The following NXPH3 variants were observed in gnomAD, a reference collection of about 807,000 sequenced individuals.
NXPH3 encodes the protein neurexophilin-3.
NXPH3 carries 7 observed loss-of-function variants against 18.8 expected under a neutral mutation model. The ratio of observed to expected loss-of-function variants is 0.37; its 90% CI spans 0.21 to 0.70. The LOEUF is 0.70. Among genes scored for constraint, NXPH3 ranks in the 30% least tolerant of loss-of-function variants. NXPH3 has a pLI of 0.53. For synonymous variants in NXPH3, 101 were observed against 137.3 expected (o/e 0.74, Z 1.85); for missense variants, 282 against 338.1 (o/e 0.83, Z 1.30).
Position 49,578,538 on chromosome 17 carries a change from C to A in NXPH3, c.55-58C>A. 3.7e-6 allele frequency: 5 copies of A among 1,353,080 alleles called. No individual in the cohort carries two copies. The highest frequency in any genetic ancestry group is 2.8e-5 in the South Asian group (2 of 71,042). 83.8% of individuals were successfully genotyped at this position (1,353,080 alleles called of 1,614,324 possible). A position where few individuals can be genotyped will look rare whatever the true frequency, so the allele number is the denominator to read the frequency against. ...GCAGGGACAGGGGTACTGCTGGTAG[C>A]GGGGGTGGTGGACCTCCAGGGACAG... On this transcript the variant is annotated intron_variant, in intron 1 of 1. Coordinates refer to ENST00000328741, the MANE Select transcript of NXPH3 (RefSeq NM_007225.4). This position sits in a 1 kb window ranked among gnomAD's most constrained non-coding sequence, Gnocchi z 4.5.
chr17:49,578,708 A>C lies in NXPH3; in HGVS notation c.167A>C (p.Lys56Thr). ...CGGAAGCGGGGCCACATCTCACCTA[A>C]GTCCCGCCCCATGGCCAATTCCACT... ...VPRKRGHISPKSRPMANSTLL... is the reference protein window; with the variant it reads ...VPRKRGHISPTSRPMANSTLL... The change falls in exon 2 of 2, where the codon AAG (lysine) becomes ACG (threonine). Residue 56 changes from lysine (K) to threonine (T), a missense_variant. Transcript: ENST00000328741. The surrounding 1 kb of genome is among the most constrained non-coding windows in gnomAD (Gnocchi z 4.5). 1 of 1,613,288 alleles carries C rather than the reference A, an allele frequency of 6.2e-7. No individual in the cohort carries two copies. Among genetic ancestry groups the C allele is most frequent in the African/African-American group, 1.3e-5 (1 of 75,042 alleles).
chr17:49,579,395 C>G lies in NXPH3; in HGVS notation c.*95C>G. On this transcript the variant is annotated 3_prime_UTR_variant, in exon 2 of 2. Transcript: ENST00000328741. This position sits in a 1 kb window ranked among gnomAD's most constrained non-coding sequence, Gnocchi z 6.0. ...ACACCGGGCAGGGAAGGGGTTGGGC[C>G]TCAGGCAGGGAGGGGGGTGGAGACG... The G allele has an allele frequency of 8.9e-7, 1 of 1,123,082 alleles. No homozygotes were observed. The allele number at this position is 1,123,082 out of a possible 1,614,324, so 69.6% of individuals were successfully genotyped here.
At position 49,575,915 on chromosome 17, in the gene NXPH3, C is replaced by T. The variant is rs1426804439; in HGVS notation, c.-305C>T. The T allele has an allele frequency of 3.0e-6, 1 of 337,328 alleles. No homozygotes were observed. The highest frequency in any genetic ancestry group is 5.3e-6 in the Non-Finnish European group (1 of 188,000). 20.9% of individuals were successfully genotyped at this position (337,328 alleles called of 1,614,324 possible). A position where few individuals can be genotyped will look rare whatever the true frequency, so the allele number is the denominator to read the frequency against. ...GGCGCCGCTGGAGCCGAGGGGGGCG[C>T]CGAGCGCAGATCTGGAGCAGCAGAG... On this transcript the variant is annotated 5_prime_UTR_variant, in exon 1 of 2. Transcript: ENST00000328741. The surrounding 1 kb of genome is among the most constrained non-coding windows in gnomAD (Gnocchi z 4.3).
chr17:49,576,870 G>T (rs2071574102), intron 1 of NXPH3, among the ~76,000 whole-genome samples: 1 of 151,768 alleles, frequency 6.6e-6, no homozygotes, highest in South Asian at 2.1e-4. Context: ...TGAGCGGAGC[G>T]CCCAGAGCCC....
At position 49,579,008 on chromosome 17, in the gene NXPH3, A is replaced by C. The variant is rs1410979876; in HGVS notation, c.467A>C (p.Glu156Ala). 7 of 1,614,104 alleles carry C rather than the reference A, an allele frequency of 4.3e-6. No individual in the cohort carries two copies. The highest frequency in any genetic ancestry group is 5.9e-6 in the Non-Finnish European group (7 of 1,180,060). The change falls in exon 2 of 2, where the codon GAG becomes GCG. Residue 156 changes from glutamate (E) to alanine (A), a missense_variant. Glu to Ala is a moderately radical substitution (Grantham distance 107). Transcript: ENST00000328741. This position sits in a 1 kb window ranked among gnomAD's most constrained non-coding sequence, Gnocchi z 6.0. ...ISLVPPSKAV[E>A]FHQEQQIFIE... ...CTCGTGCCCCCCAGTAAAGCTGTAG[A>C]GTTCCACCAGGAACAGCAGATCTTC... is the stretch of plus-strand genomic sequence containing the variant.
Position 49,578,539 on chromosome 17 carries a change from G to T in NXPH3, c.55-57G>T. The T allele has an allele frequency of 2.2e-6, 3 of 1,360,158 alleles. No individual in the cohort carries two copies. Among genetic ancestry groups the T allele is most frequent in the Non-Finnish European group, 3.0e-6 (3 of 999,954 alleles). 84.3% of individuals were successfully genotyped at this position (1,360,158 alleles called of 1,614,324 possible). A position where few individuals can be genotyped will look rare whatever the true frequency, so the allele number is the denominator to read the frequency against. ...CAGGGACAGGGGTACTGCTGGTAGC[G>T]GGGGTGGTGGACCTCCAGGGACAGG... On this transcript the variant is annotated intron_variant, in intron 1 of 1. Coordinates refer to ENST00000328741, the MANE Select transcript of NXPH3 (RefSeq NM_007225.4). This position sits in a 1 kb window ranked among gnomAD's most constrained non-coding sequence, Gnocchi z 4.5.
rs963743225 is a variant in NXPH3 at position 49,581,896 on chromosome 17, G to T, written c.*2596G>T. 3 of 640,652 alleles carry T rather than the reference G, an allele frequency of 4.7e-6. No individual in the cohort carries two copies. The African/African-American group carries it at 5.5e-5, about 12-fold the overall frequency. The allele number at this position is 640,652 out of a possible 1,614,324, so 39.7% of individuals were successfully genotyped here. On this transcript the variant is annotated 3_prime_UTR_variant, in exon 2 of 2. Coordinates refer to ENST00000328741, the MANE Select transcript of NXPH3 (RefSeq NM_007225.4). ...CCCGGCCTTCCTGGCACACAGTTCT[G>T]CCTGCACCAGGGATGGATTCATTTT...
In NXPH3 at chr17:49,578,668, C is replaced by T. The variant is rs147028083; in HGVS notation, c.127C>T (p.Arg43Trp). The change falls in exon 2 of 2, where the codon CGG (arginine) becomes TGG (tryptophan). Residue 43 changes from arginine (R) to tryptophan (W), a missense_variant. Coordinates refer to ENST00000328741, the MANE Select transcript of NXPH3 (RefSeq NM_007225.4). The surrounding 1 kb of genome is among the most constrained non-coding windows in gnomAD (Gnocchi z 4.5). ...PERDDHEGQP[R>W]PRVPRKRGHI... Reference sequence around the variant, plus strand: ...GCGTGATGACCACGAGGGCCAGCCCCGGCCCCGGGTGCCTCGGAAGCGGGG... The same window carrying T: ...GCGTGATGACCACGAGGGCCAGCCCTGGCCCCGGGTGCCTCGGAAGCGGGG... 7.5e-6 allele frequency: 12 copies of T among 1,610,676 alleles called. No homozygotes were observed. Among genetic ancestry groups the T allele is most frequent in the Admixed American group, 6.7e-5 (4 of 59,824 alleles).
Position 49,581,446 on chromosome 17 carries a change from C to T in NXPH3, c.*2146C>T, listed in dbSNP as rs1042763086. 7.1e-5 allele frequency: 43 copies of T among 602,390 alleles called. No homozygotes were observed. In the South Asian group the frequency reaches 7.5e-4, roughly 10 times the overall value. 37.3% of individuals were successfully genotyped at this position (602,390 alleles called of 1,614,324 possible). Reference sequence around the variant, plus strand: ...CTTTCGCCCCTGCCCACCAGCGCTCCGCGCAAACTGGTCCCCTCATACTGC... The same window carrying T: ...CTTTCGCCCCTGCCCACCAGCGCTCTGCGCAAACTGGTCCCCTCATACTGC... On this transcript the variant is annotated 3_prime_UTR_variant, in exon 2 of 2. Transcript: ENST00000328741.
rs1009092919 is a variant in NXPH3 at position 49,578,403 on chromosome 17, G to GT, written c.55-193_55-192insT. Reference sequence around the variant, plus strand: ...AGTGAGGAAAGGACAATGGGGGGGGGGGTGACCCAACTGTCAGAACCTGAG... The same window carrying GT: ...AGTGAGGAAAGGACAATGGGGGGGGGTGGTGACCCAACTGTCAGAACCTGAG... On this transcript the variant is annotated intron_variant, in intron 1 of 1. Coordinates refer to ENST00000328741, the MANE Select transcript of NXPH3 (RefSeq NM_007225.4). The surrounding 1 kb of genome is among the most constrained non-coding windows in gnomAD (Gnocchi z 4.5). Among the ~76,000 whole-genome samples, 14 of 151,964 alleles carry GT rather than the reference G, an allele frequency of 9.2e-5. No individual in the cohort carries two copies. The highest frequency in any genetic ancestry group is 1.9e-4 in the Non-Finnish European group (13 of 67,916).
In NXPH3 at chr17:49,581,743, G is replaced by A. The variant is rs1364392358; in HGVS notation, c.*2443G>A. The A allele has an allele frequency of 1.4e-6, 1 of 702,452 alleles. No individual in the cohort carries two copies. 43.5% of individuals were successfully genotyped at this position (702,452 alleles called of 1,614,324 possible). A position where few individuals can be genotyped will look rare whatever the true frequency, so the allele number is the denominator to read the frequency against. On this transcript the variant is annotated 3_prime_UTR_variant, in exon 2 of 2. Coordinates refer to ENST00000328741, the MANE Select transcript of NXPH3 (RefSeq NM_007225.4). ...CTGCAGGAAGGAGGAGGAAGCAATG[G>A]GGCCAGAGGCCCTGGGCGCCCTCCC...
chr17:49,581,718 C>G lies in NXPH3; in HGVS notation c.*2418C>G. Reference sequence around the variant, plus strand: ...TCAGCCTCCCACAGTGCTGTGGAGACTGCAGGAAGGAGGAGGAAGCAATGG... The same window carrying G: ...TCAGCCTCCCACAGTGCTGTGGAGAGTGCAGGAAGGAGGAGGAAGCAATGG... On this transcript the variant is annotated 3_prime_UTR_variant, in exon 2 of 2. Transcript: ENST00000328741. 1 of 702,574 alleles carries G rather than the reference C, an allele frequency of 1.4e-6. No homozygotes were observed. Among genetic ancestry groups the G allele is most frequent in the Non-Finnish European group, 2.6e-6 (1 of 384,992 alleles). The allele number at this position is 702,574 out of a possible 1,614,324, so 43.5% of individuals were successfully genotyped here. A position where few individuals can be genotyped will look rare whatever the true frequency, so the allele number is the denominator to read the frequency against.
Position 49,579,383 on chromosome 17 carries a change from A to AAGGGGTTGGGCCTCAGGCAGGG in NXPH3, c.*89_*110dup. 7.9e-7 allele frequency: 1 copy of AAGGGGTTGGGCCTCAGGCAGGG among 1,266,704 alleles called. No homozygotes were observed. The highest frequency in any genetic ancestry group is 2.5e-4 in the Middle Eastern group (1 of 4,050). The allele number at this position is 1,266,704 out of a possible 1,614,324, so 78.5% of individuals were successfully genotyped here. On this transcript the variant is annotated 3_prime_UTR_variant, in exon 2 of 2. Transcript: ENST00000328741. The surrounding 1 kb of genome is among the most constrained non-coding windows in gnomAD (Gnocchi z 6.0). ...GAGACCATCTGGACACCGGGCAGGG[A>AAGGGGTTGGGCCTCAGGCAGGG]AGGGGTTGGGCCTCAGGCAGGGAGG...
In NXPH3 at chr17:49,576,156, G is replaced by A. The variant is rs973790004; in HGVS notation, c.-64G>A. ...CGGCGCGCCTGAAGGAGCAGGAAGG[G>A]GAAGGAGGCCTGGGACCCCGAAAAG... is the stretch of plus-strand genomic sequence containing the variant. On this transcript the variant is annotated 5_prime_UTR_variant, in exon 1 of 2. Transcript: ENST00000328741. 3 of 1,542,372 alleles carry A rather than the reference G, an allele frequency of 1.9e-6. No homozygotes were observed. The African/African-American group carries it at 4.1e-5, about 21-fold the overall frequency.
Position 49,581,863 on chromosome 17 carries a change from C to T in NXPH3, c.*2563C>T. 1.5e-6 allele frequency: 1 copy of T among 681,776 alleles called. No homozygotes were observed. The highest frequency in any genetic ancestry group is 1.6e-5 in the South Asian group (1 of 63,864). The allele number at this position is 681,776 out of a possible 1,614,324, so 42.2% of individuals were successfully genotyped here. On this transcript the variant is annotated 3_prime_UTR_variant, in exon 2 of 2. Transcript: ENST00000328741. Reference sequence around the variant, plus strand: ...GTGGAGAGCCAGATGCTGGCGACAGCTGGAGGGCCCGGCCTTCCTGGCACA... The same window carrying T: ...GTGGAGAGCCAGATGCTGGCGACAGTTGGAGGGCCCGGCCTTCCTGGCACA...
At chr17:49,576,865 G>T (rs1463616488) in intron 1 of NXPH3, among the ~76,000 whole-genome samples, 1 of 151,604 alleles carries the variant, frequency 6.6e-6, no homozygotes, top group Non-Finnish European at 1.5e-5. Context: ...GCAGCTGAGC[G>T]GAGCGCCCAG....
chr17:49,581,535 A>G lies in NXPH3; in HGVS notation c.*2235A>G. Reference sequence around the variant, plus strand: ...CAGCCCACCTTGTAGGAAATGACCCAGCTTGTTTCCCCCACATCATGCTTC... The same window carrying G: ...CAGCCCACCTTGTAGGAAATGACCCGGCTTGTTTCCCCCACATCATGCTTC... On this transcript the variant is annotated 3_prime_UTR_variant, in exon 2 of 2. Coordinates refer to ENST00000328741, the MANE Select transcript of NXPH3 (RefSeq NM_007225.4). 3.0e-6 allele frequency: 2 copies of G among 664,200 alleles called. No individual in the cohort carries two copies. Among genetic ancestry groups the G allele is most frequent in the South Asian group, 3.3e-5 (2 of 60,082 alleles). 41.1% of individuals were successfully genotyped at this position (664,200 alleles called of 1,614,324 possible).
Position 49,582,095 on chromosome 17 carries a change from G to C in NXPH3, c.*2795G>C. The C allele has an allele frequency of 3.7e-6, 2 of 546,526 alleles. No individual in the cohort carries two copies. Among genetic ancestry groups the C allele is most frequent in the African/African-American group, 1.9e-5 (1 of 52,554 alleles). The allele number at this position is 546,526 out of a possible 1,614,324, so 33.9% of individuals were successfully genotyped here. A position where few individuals can be genotyped will look rare whatever the true frequency, so the allele number is the denominator to read the frequency against. On this transcript the variant is annotated 3_prime_UTR_variant, in exon 2 of 2. Coordinates refer to ENST00000328741, the MANE Select transcript of NXPH3 (RefSeq NM_007225.4). ...GTTCTTGCCAGATACTTCTGTGCCC[G>C]CTTGGTCCTCACAAGGGCAAGGGGT...
In NXPH3 at chr17:49,578,528, C is replaced by A; in HGVS notation, c.55-68C>A. The A allele has an allele frequency of 7.8e-7, 1 of 1,274,060 alleles. No homozygotes were observed. The highest frequency in any genetic ancestry group is 1.1e-6 in the Non-Finnish European group (1 of 923,794). 78.9% of individuals were successfully genotyped at this position (1,274,060 alleles called of 1,614,324 possible). The stretch of plus-strand genomic sequence containing the variant: ...GAGTGAAGTGGCAGGGACAGGGGTA[C>A]TGCTGGTAGCGGGGGTGGTGGACCT... On this transcript the variant is annotated intron_variant, in intron 1 of 1. Transcript: ENST00000328741. The surrounding 1 kb of genome is among the most constrained non-coding windows in gnomAD (Gnocchi z 4.5).
Sources: gnomAD v4.1 joint callset for allele counts (sites outside exome capture counted in the v4.1 genomes callset) on GRCh38, gnomAD v4.1.1 for gene constraint, Gnocchi (gnomAD v3.1) non-coding constraint, MANE v1.5 for transcripts, NCBI Gene and HGNC (gene_info 2026-07-23, HGNC 2026-07-21) for gene names.